Variants in PRKCA observed in about 807,000 individuals in gnomAD.
The protein encoded by PRKCA is protein kinase C alpha type.
PRKCA carries 27 observed loss-of-function variants against 87.0 expected under a neutral mutation model. The observed-to-expected ratio is 0.31, with a 90% CI of 0.23 to 0.43. The LOEUF is 0.43. PRKCA is among the 20% of genes least tolerant of loss of function. The pLI, the probability that PRKCA is intolerant of heterozygous loss-of-function variation, is 1.00. For synonymous variants in PRKCA, 329 were observed against 311.1 expected, an observed-to-expected ratio of 1.06 and a Z score of -0.61; for missense variants, 518 against 852.3, an observed-to-expected ratio of 0.61 and a Z score of 4.88.
rs368233389 is a variant in PRKCA, at chr17:66,402,414, ATTTTTTT to A, written c.206-93772_206-93766del. On this transcript the variant is annotated intron_variant, in intron 2 of 16. Transcript: ENST00000413366. Reference sequence around the variant, plus strand: ...AGAAAAGTGAAAAAGAGGCCAAGAAATTTTTTTTTTTTTTTTTTTTTAAAGAATATGA... The same window carrying A: ...AGAAAAGTGAAAAAGAGGCCAAGAAATTTTTTTTTTTTTTAAAGAATATGA... 6.0e-5 allele frequency among the ~76,000 whole-genome samples: 8 copies of A among 133,680 alleles called. No homozygotes were observed. In the East Asian group the frequency reaches 1.3e-3, roughly 22 times the overall value. 87.7% of individuals were successfully genotyped at this position (133,680 alleles called of 152,430 possible).
intron 8 of PRKCA, among the ~76,000 whole-genome samples, chr17:66,708,312 C>G (rs912801824): frequency 6.6e-6 from 1 of 152,236 alleles, no homozygotes; most frequent in Non-Finnish European, 1.5e-5. Flanking sequence ...TTCCTCATCT[C>G]CCTTCCCAGC....
chr17:66,565,322 G>A (rs1968855573), intron 3 of PRKCA, among the ~76,000 whole-genome samples: 1 of 152,162 alleles, frequency 6.6e-6, no homozygotes, highest in South Asian at 2.1e-4. Context: ...CTGAGCAGGG[G>A]AAAGCTGCTC....
chr17:66,641,895 A>G (rs889644011), intron 4 of PRKCA, among the ~76,000 whole-genome samples: 1 of 152,158 alleles, frequency 6.6e-6, no homozygotes, highest in Non-Finnish European at 1.5e-5. Context: ...GGAAAAATCC[A>G]GTAGGCTCTT....
intron 3 of PRKCA, among the ~76,000 whole-genome samples, chr17:66,539,562 T>C (rs1810258): frequency 0.49 from 74,208 of 151,784 alleles, 18,769 homozygotes; most frequent in African/African-American, 0.62. Context: ...CGCCACCACA[T>C]CCAGCTAATT....
At chr17:66,737,774 G>A (rs1029711120) in intron 10 of PRKCA, among the ~76,000 whole-genome samples, 6 of 152,190 alleles carry the variant, frequency 3.9e-5, no homozygotes, top group Non-Finnish European at 5.9e-5. Context: ...CAGCATGCTC[G>A]GAAGAGACAA....
chr17:66,763,038 G>T (rs1023056418), intron 13 of PRKCA, among the ~76,000 whole-genome samples: 1 of 152,164 alleles, frequency 6.6e-6, no homozygotes, highest in African/African-American at 2.4e-5. Context: ...TGATCCTATC[G>T]CCTTGGCCTC....
chr17:66,576,460 C>T (rs952098978), intron 3 of PRKCA, among the ~76,000 whole-genome samples: 1 of 152,184 alleles, frequency 6.6e-6, no homozygotes, highest in African/African-American at 2.4e-5. Context: ...AATTCTGGAC[C>T]AGTCTATAAT....
chr17:66,329,046 A>G (rs1356016037), intron 2 of PRKCA, among the ~76,000 whole-genome samples: 1 of 152,180 alleles, frequency 6.6e-6, no homozygotes, highest in African/African-American at 2.4e-5. Flanking sequence ...TTATGTGAAG[A>G]ACTAACTAGA....
chr17:66,727,884 T>G (rs1973794619), intron 8 of PRKCA, among the ~76,000 whole-genome samples: 1 of 152,162 alleles, frequency 6.6e-6, no homozygotes, highest in African/African-American at 2.4e-5. Flanking sequence ...AAGTCCTATA[T>G]GGTTCCTCGT....
intron 14 of PRKCA, among the ~76,000 whole-genome samples, chr17:66,786,164 T>G (rs1220197471): frequency 6.6e-6 from 1 of 152,218 alleles, no homozygotes; most frequent in Non-Finnish European, 1.5e-5. Context: ...GTCATTTGCC[T>G]GTGGACACCC....
chr17:66,610,943 A>G (rs1970344867), intron 3 of PRKCA, among the ~76,000 whole-genome samples: 1 of 152,180 alleles, frequency 6.6e-6, no homozygotes, highest in Non-Finnish European at 1.5e-5. Flanking sequence ...GAGTACAAGG[A>G]AGTTGGGCTT....
rs1904597017 is a variant in PRKCA, at chr17:66,303,043, AC to A, written c.173+20del. ...TCATCTGGTAGGTGCCGGGCCGGGC[AC>A]TCCTGCCCCGCTCCTCCCCGCCTCC... On this transcript the variant is annotated intron_variant, in intron 1 of 16. Transcript: ENST00000413366. The A allele has an allele frequency of 6.3e-7, 1 of 1,588,558 alleles. No homozygotes were observed. The highest frequency in any genetic ancestry group is 1.8e-5 in the Admixed American group (1 of 57,138).
intron 3 of PRKCA, among the ~76,000 whole-genome samples, chr17:66,613,121 T>C (rs937917699): frequency 6.6e-6 from 1 of 152,182 alleles, no homozygotes; most frequent in African/African-American, 2.4e-5. Flanking sequence ...ATTGGTGTAT[T>C]TGACATACAG....
In PRKCA at chr17:66,329,666, C is replaced by T. The variant is rs114042929; in HGVS notation, c.205+23539C>T. Among the ~76,000 whole-genome samples the T allele has an allele frequency of 5.3e-3, 805 of 152,242 alleles. 11 individuals are homozygous for T. The highest frequency in any genetic ancestry group is 0.019 in the African/African-American group (775 of 41,544). ...GAAGAGAGAATTTTAAGCAGGAGGT[C>T]CCTACTGCCATAGGTAGGACAAGGT... On this transcript the variant is annotated intron_variant, in intron 2 of 16. Transcript: ENST00000413366.
chr17:66,697,077 G>T (rs1050344828), intron 8 of PRKCA, among the ~76,000 whole-genome samples: 1 of 152,198 alleles, frequency 6.6e-6, no homozygotes, highest in Admixed American at 6.5e-5. Context: ...TCTCCTCAGA[G>T]AGTCGAGAAA....
chr17:66,769,758 C>T (rs1035950115), intron 13 of PRKCA, among the ~76,000 whole-genome samples: 1 of 152,188 alleles, frequency 6.6e-6, no homozygotes, highest in African/African-American at 2.4e-5. Context: ...TAGAGAACAG[C>T]CCTAAGCCAA....
At chr17:66,393,430 T>A (rs1250019911) in intron 2 of PRKCA, among the ~76,000 whole-genome samples, 5 of 151,788 alleles carry the variant, frequency 3.3e-5, no homozygotes, top group Non-Finnish European at 5.9e-5. Flanking sequence ...CACATCACAT[T>A]TGCAGCCATC....
intron 16 of PRKCA, chr17:66,797,087 C>T (rs762078312): frequency 2.6e-5 from 20 of 770,650 alleles, no homozygotes; most frequent in Admixed American, 1.2e-4. Flanking sequence ...ACTGAGACGC[C>T]GAGGTAAAGG....
chr17:66,481,970 G>A (rs1915795906), intron 2 of PRKCA, among the ~76,000 whole-genome samples: 1 of 151,668 alleles, frequency 6.6e-6, no homozygotes, highest in Admixed American at 6.6e-5. Context: ...GTGCGGTGGT[G>A]GGCACCTGTA....
Sources: gnomAD v4.1 joint callset for allele counts (sites outside exome capture counted in the v4.1 genomes callset) on GRCh38, gnomAD v4.1.1 for gene constraint, MANE v1.5 for transcripts, NCBI Gene and HGNC (gene_info 2026-07-23, HGNC 2026-07-21) for gene names.